The following NAV3 variants were observed in gnomAD, a reference collection of about 807,000 sequenced individuals.
NAV3 encodes pore membrane and/or filament interacting like protein 1.
Under a neutral mutation model 244.7 loss-of-function variants are expected in NAV3, and 87 were observed. The ratio of observed to expected loss-of-function variants is 0.36; its 90% confidence interval spans 0.30 to 0.42. The LOEUF is 0.42. Ranked by LOEUF, NAV3 falls within the 20% of genes least tolerant of loss-of-function variation. The pLI is 1.00. For missense variants in NAV3, 2,663 were observed against 2,893.3 expected, an observed-to-expected ratio of 0.92 and a Z score of 1.83; for synonymous variants, 1,126 against 1,042.2, an observed-to-expected ratio of 1.08 and a Z score of -1.55.
chr12:77,930,740 TA>T (rs1888703470), intron 1 of NAV3, among the ~76,000 whole-genome samples: 1 of 152,188 alleles, frequency 6.6e-6, no homozygotes, highest in East Asian at 1.9e-4. Context: ...TGTATGAAAA[TA>T]TTTTTTTCTC....
At chr12:77,903,409 G>A (rs1265528670) in intron 1 of NAV3, among the ~76,000 whole-genome samples, 2 of 152,058 alleles carry the variant, frequency 1.3e-5, no homozygotes, top group Non-Finnish European at 2.9e-5. Flanking sequence ...TTCCCTATTT[G>A]ATAAATGGTG....
chr12:77,766,122 A>C (rs1869738674), intron 2 of NAV3, among the ~76,000 whole-genome samples: 1 of 152,216 alleles, frequency 6.6e-6, no homozygotes, highest in Non-Finnish European at 1.5e-5. Context: ...ATGAAGACTT[A>C]TCCAGGCTGT....
intron 2 of NAV3, among the ~76,000 whole-genome samples, chr12:77,631,616 A>G (rs1273553622): frequency 6.6e-6 from 1 of 152,096 alleles, no homozygotes; most frequent in Non-Finnish European, 1.5e-5. Context: ...GACTGAAAAC[A>G]CCAGTTTCCC....
intron 12 of NAV3, among the ~76,000 whole-genome samples, chr12:78,084,694 C>G (rs969261508): frequency 6.6e-6 from 1 of 152,072 alleles, no homozygotes; most frequent in Non-Finnish European, 1.5e-5. Flanking sequence ...GTTGAATCCA[C>G]TCCATTCAGT....
intron 1 of NAV3, among the ~76,000 whole-genome samples, chr12:77,882,565 C>A (rs1882786951): frequency 6.6e-6 from 1 of 151,984 alleles, no homozygotes; most frequent in Non-Finnish European, 1.5e-5. Flanking sequence ...GCAATAAAAA[C>A]AAAAATTGAC....
chr12:77,963,913 TTCTCCTTCCTTCTTCTCC>T (rs1892273261), intron 3 of NAV3, among the ~76,000 whole-genome samples: 9 of 3,616 alleles, frequency 2.5e-3, no homozygotes, highest in Admixed American at 0.02. Flanking sequence ...TTCCTTCTCC[TTCTCCTTCCTTCTTCTCC>T]TCCTTCTGCT....
At chr12:77,972,229 G>T (rs1409381583) in intron 5 of NAV3, among the ~76,000 whole-genome samples, 1 of 152,110 alleles carries the variant, frequency 6.6e-6, no homozygotes, top group Non-Finnish European at 1.5e-5. Context: ...TCCTGCTCAA[G>T]TGGCACCTAG....
intron 2 of NAV3, among the ~76,000 whole-genome samples, chr12:77,649,040 A>AT (rs1872716632): frequency 6.6e-6 from 1 of 152,080 alleles, no homozygotes; most frequent in Non-Finnish European, 1.5e-5. Context: ...TCAGTGTTCT[A>AT]TTTTTAATTT....
chr12:77,908,324 C>T (rs1468419476), intron 1 of NAV3, among the ~76,000 whole-genome samples: 1 of 151,960 alleles, frequency 6.6e-6, no homozygotes, highest in East Asian at 1.9e-4. Flanking sequence ...TTGGAGCTGA[C>T]ATATGGTTTA....
intron 1 of NAV3, among the ~76,000 whole-genome samples, chr12:77,925,357 A>T (rs1888092636): frequency 6.6e-6 from 1 of 152,188 alleles, no homozygotes. Flanking sequence ...ATATTTGTAT[A>T]TAAACCGTAT....
intron 2 of NAV3, among the ~76,000 whole-genome samples, chr12:77,744,794 A>C (rs1403278065): frequency 6.6e-6 from 1 of 151,760 alleles, no homozygotes; most frequent in Admixed American, 6.6e-5. Flanking sequence ...GATTTAAATG[A>C]TATGCTAATA....
At chr12:77,746,429 T>A (rs189549871) in intron 2 of NAV3, among the ~76,000 whole-genome samples, 2 of 152,256 alleles carry the variant, frequency 1.3e-5, no homozygotes, top group African/African-American at 4.8e-5. Flanking sequence ...ATGGGTTTCC[T>A]GGCCTACTGG....
chr12:77,708,684 A>G (rs1005641553), intron 2 of NAV3, among the ~76,000 whole-genome samples: 1 of 152,120 alleles, frequency 6.6e-6, no homozygotes, highest in East Asian at 1.9e-4. Context: ...GATTCTTCCT[A>G]TCCATGAGCA....
intron 31 of NAV3, among the ~76,000 whole-genome samples, chr12:78,187,369 C>A (rs115669066): frequency 6.6e-6 from 1 of 151,692 alleles, no homozygotes; most frequent in Non-Finnish European, 1.5e-5. Context: ...TTCTACCACC[C>A]GTTAATGATA....
chr12:78,177,215 A>G lies in NAV3; in HGVS notation c.5199A>G (p.Glu1733=), dbSNP rs1420222920. The G allele has an allele frequency of 1.2e-6, 2 of 1,613,564 alleles. No homozygotes were observed. Among genetic ancestry groups the G allele is most frequent in the Non-Finnish European group, 8.5e-7 (1 of 1,179,634 alleles). ...TKPPSSHSDI[E]ELTDSSLPAS... ...CTCCTTCATCACATTCTGACATTGA[A>G]GAGCTTACTGATTCATCCCTTCCGG... Residue 1733 remains glutamate (E), a synonymous_variant, in exon 27 of 40, where the codon GAA becomes GAG. Coordinates refer to ENST00000397909, the MANE Select transcript of NAV3 (RefSeq NM_001024383.2).
chr12:77,887,182 A>C (rs1883395033), intron 1 of NAV3, among the ~76,000 whole-genome samples: 1 of 152,108 alleles, frequency 6.6e-6, no homozygotes, highest in Non-Finnish European at 1.5e-5. Context: ...GTGAGGGTAG[A>C]CTTAAAGAGA....
chr12:78,095,622 A>T (rs1241682293), intron 12 of NAV3, among the ~76,000 whole-genome samples: 1 of 152,214 alleles, frequency 6.6e-6, no homozygotes, highest in African/African-American at 2.4e-5. Context: ...GAGTACAGCA[A>T]TACTCTACTG....
chr12:77,864,744 T>C (rs1879758523), intron 1 of NAV3, among the ~76,000 whole-genome samples: 1 of 152,042 alleles, frequency 6.6e-6, no homozygotes, highest in Non-Finnish European at 1.5e-5. Context: ...GTAGTTCTCC[T>C]ATTAATTTAT....
intron 2 of NAV3, among the ~76,000 whole-genome samples, chr12:77,632,728 A>C (rs532057095): frequency 6.6e-6 from 1 of 152,302 alleles, no homozygotes; most frequent in East Asian, 1.9e-4. Context: ...ATACTACTAT[A>C]ATAGTAATGA....
Sources: allele counts gnomAD v4.1 joint callset (sites outside exome capture counted in the v4.1 genomes callset), GRCh38; gene constraint gnomAD v4.1.1; transcripts MANE v1.5; gene names NCBI Gene and HGNC (gene_info 2026-07-23, HGNC 2026-07-21).